ZNF532: variants seen among roughly 807,000 people sequenced by gnomAD.
ZNF532 encodes the protein zinc finger protein 532.
In ZNF532, 22 loss-of-function variants were observed where a neutral mutation model predicts 89.3. The ratio of observed to expected loss-of-function variants is 0.25; its 90% CI spans 0.18 to 0.35. The LOEUF is 0.35. Among genes scored for constraint, ZNF532 ranks in the 10% least tolerant of loss-of-function variants. The pLI, the probability that ZNF532 is intolerant of heterozygous loss-of-function variation, is 1.00. For missense variants in ZNF532, 1,132 were observed against 1,643.4 expected (o/e 0.69, Z 5.38); for synonymous variants, 606 against 649.6 (o/e 0.93, Z 1.02).
intron 7 of ZNF532, among the ~76,000 whole-genome samples, chr18:58,960,483 A>G (rs67976098): frequency 0.16 from 24,395 of 152,268 alleles, 2,481 homozygotes; most frequent in East Asian, 0.45. Context: ...GATAAAGTCT[A>G]TCTGACCTTA....
intron 7 of ZNF532, chr18:58,964,118 T>A (rs772287017): frequency 5.3e-5 from 8 of 152,218 alleles, no homozygotes; most frequent in Non-Finnish European, 1.0e-4. Context: ...CCTGTTGTCA[T>A]TAGGCATGCC....
chr18:58,953,596 A>C lies in ZNF532; in HGVS notation c.2947A>C (p.Thr983Pro). 2 of 1,613,894 alleles carry C rather than the reference A, an allele frequency of 1.2e-6. No homozygotes were observed. The highest frequency in any genetic ancestry group is 1.7e-6 in the Non-Finnish European group (2 of 1,179,800). Reference sequence around the variant, plus strand: ...CTTGCCTTTGAGCATTAAGCCTGCAACTCAAAATTCAGCAAATCAGAACAA... The same window carrying C: ...CTTGCCTTTGAGCATTAAGCCTGCACCTCAAAATTCAGCAAATCAGAACAA... The part of the protein sequence containing the change: ...INLPLSIKPA[T>P]QNSANQNKED... The change falls in exon 7 of 10, where the codon ACT (threonine) becomes CCT (proline). Residue 983 changes from threonine (T) to proline (P), a missense_variant. By Grantham distance (38) the Thr-to-Pro change is conservative. Around this residue, in one of 9 missense-constraint regions of ZNF532, gnomAD observed 415 missense variants for 604.8 expected, o/e 0.69. Coordinates refer to ENST00000591808, the MANE Select transcript of ZNF532 (RefSeq NM_001375912.1).
Position 58,919,739 on chromosome 18 carries a change from C to G in ZNF532, c.1452C>G (p.Ala484=). 1 of 1,614,170 alleles carries G rather than the reference C, an allele frequency of 6.2e-7. No homozygotes were observed. The highest frequency in any genetic ancestry group is 2.2e-5 in the East Asian group (1 of 44,884). ...TGAAAGCCACGGTCATATCTGCTGC[C>G]TCTGTCCAGAGTGCCAGCAGCGCCA... ...TTVKATVISA[A]SVQSASSAII... The change falls in exon 3 of 10, where the codon GCC becomes GCG. Residue 484 remains alanine (A), a synonymous_variant. Transcript: ENST00000591808. The surrounding 1 kb of genome is among the most constrained non-coding windows in gnomAD (Gnocchi z 6.1).
chr18:58,941,468 C>CTTTTTTT (rs71302776), intron 5 of ZNF532, among the ~76,000 whole-genome samples: 15 of 114,928 alleles, frequency 1.3e-4, no homozygotes, highest in East Asian at 2.7e-4. Context: ...CTCTCTCTCT[C>CTTTTTTT]TTTTTTTTTT....
chr18:58,867,000 AG>A (rs752035504), intron 2 of ZNF532, among the ~76,000 whole-genome samples: 2 of 152,268 alleles, frequency 1.3e-5, no homozygotes, highest in Non-Finnish European at 2.9e-5. Context: ...TGAGTGTGGC[AG>A]GAATATGCTT....
Position 58,953,700 on chromosome 18 carries a change from C to T in ZNF532, c.3051C>T (p.Thr1017=). The change falls in exon 7 of 10, where the codon ACC becomes ACT. Residue 1017 remains threonine (T), a synonymous_variant. Transcript: ENST00000591808. ...SPSPVKKSME[T]KKVASPGWTC... ...CTCCTGTGAAAAAATCAATGGAAAC[C>T]AAGAAAGTGGCCAGTCCTGGGTGGA... The T allele has an allele frequency of 1.2e-6, 2 of 1,613,942 alleles. No individual in the cohort carries two copies. The highest frequency in any genetic ancestry group is 1.7e-6 in the Non-Finnish European group (2 of 1,179,888).
At chr18:58,967,432 TC>T (rs1331646638) in intron 7 of ZNF532, among the ~76,000 whole-genome samples, 1 of 152,168 alleles carries the variant, frequency 6.6e-6, no homozygotes, top group African/African-American at 2.4e-5. Context: ...GCCACATTCT[TC>T]CTTGTCTTTG....
intron 7 of ZNF532, among the ~76,000 whole-genome samples, chr18:58,974,191 A>T (rs1349432659): frequency 6.6e-6 from 1 of 152,220 alleles, no homozygotes; most frequent in Non-Finnish European, 1.5e-5. Context: ...TTTAAACAAT[A>T]TGAAGGAATA....
chr18:58,864,194 G>C (rs2144296846), upstream of ZNF532: 1 of 152,462 alleles, frequency 6.6e-6, no homozygotes, highest in East Asian at 1.9e-4. Context: ...CCGAGGTGAA[G>C]GGATTTGGAC....
intron 2 of ZNF532, among the ~76,000 whole-genome samples, chr18:58,888,735 T>A (rs2058521034): frequency 2.0e-5 from 1 of 50,488 alleles, no homozygotes; most frequent in African/African-American, 1.2e-4. Context: ...AAATTATATA[T>A]ATATATTTTA....
chr18:58,894,944 T>C (rs2059150503), intron 2 of ZNF532, among the ~76,000 whole-genome samples: 5 of 152,154 alleles, frequency 3.3e-5, no homozygotes, highest in Admixed American at 1.3e-4. Context: ...CTGGGCAACA[T>C]AGGCCTTGTC....
At chr18:58,940,923 TAC>T (rs200614911) in intron 5 of ZNF532, among the ~76,000 whole-genome samples, 1,289 of 118,620 alleles carry the variant, frequency 0.011, 30 homozygotes, top group African/African-American at 0.034. Context: ...TGCCATATTT[TAC>T]ACACACACAC....
intron 2 of ZNF532, among the ~76,000 whole-genome samples, chr18:58,905,923 T>A (rs2059907174): frequency 1.3e-5 from 2 of 152,172 alleles, no homozygotes; most frequent in South Asian, 4.1e-4. Flanking sequence ...TGGTCAGGGA[T>A]GTTGTAGGAG....
chr18:58,951,649 T>TTTTTTTTTG (rs1555746574), intron 6 of ZNF532, among the ~76,000 whole-genome samples: 3 of 86,556 alleles, frequency 3.5e-5, no homozygotes, highest in African/African-American at 6.0e-5. Context: ...CCCTGTTGTT[T>TTTTTTTTTG]TTTTTTTTTT....
chr18:58,882,756 A>G (rs977071763), intron 2 of ZNF532, among the ~76,000 whole-genome samples: 5 of 152,210 alleles, frequency 3.3e-5, no homozygotes, highest in South Asian at 2.1e-4. Context: ...TCCAAAGAGA[A>G]TAATTTCTTA....
At chr18:58,888,774 TA>T (rs2058566175) in intron 2 of ZNF532, among the ~76,000 whole-genome samples, 2 of 57,162 alleles carry the variant, frequency 3.5e-5, no homozygotes, top group East Asian at 9.7e-4. Flanking sequence ...ATATATAATT[TA>T]TATATATATA....
intron 3 of ZNF532, among the ~76,000 whole-genome samples, chr18:58,932,209 G>A (rs1477851615): frequency 6.6e-6 from 1 of 152,186 alleles, no homozygotes; most frequent in African/African-American, 2.4e-5. Context: ...TGTATCGAAA[G>A]TGGGTGAGGA....
chr18:58,942,068 G>A, intron 5 of ZNF532, among the ~76,000 whole-genome samples: 1 of 142,114 alleles, frequency 7.0e-6, no homozygotes, highest in South Asian at 2.4e-4. Flanking sequence ...TGTCGCCCAG[G>A]CTGGAGTGCA....
At chr18:58,948,023 A>G in intron 5 of ZNF532, 44 bp from the exon 6 acceptor site, 1 of 1,562,530 alleles carries the variant, frequency 6.4e-7, no homozygotes, top group Non-Finnish European at 8.7e-7. Context: ...CCTTTGACTT[A>G]AAGAGGCTGA....
Sources: allele counts gnomAD v4.1 joint callset (sites outside exome capture counted in the v4.1 genomes callset), GRCh38; gene constraint gnomAD v4.1.1; regional missense constraint gnomAD v4.1.1; non-coding constraint Gnocchi (gnomAD v3.1); transcripts MANE v1.5; gene names NCBI Gene and HGNC (gene_info 2026-07-23, HGNC 2026-07-21).